Variants in SHTN1 observed in about 807,000 individuals in gnomAD.
The protein encoded by SHTN1 is shootin 1, also known as shootin-1.
Under a neutral mutation model 83.1 loss-of-function variants are expected in SHTN1, and 42 were observed. That is an observed-to-expected ratio of 0.51 (90% confidence interval 0.39 to 0.65). The LOEUF (loss-of-function observed/expected upper bound fraction) is 0.65, where lower values mean the gene tolerates loss of function less well. SHTN1 is among the 30% of genes least tolerant of loss of function. The pLI is 0.00. For synonymous variants in SHTN1, 224 were observed against 247.7 expected, an observed-to-expected ratio of 0.90 and a Z score of 0.90; for missense variants, 622 against 737.8, an observed-to-expected ratio of 0.84 and a Z score of 1.82.
At chr10:116,910,317 T>TA (rs1848139354) in intron 14 of SHTN1, among the ~76,000 whole-genome samples, 1 of 152,198 alleles carries the variant, frequency 6.6e-6, no homozygotes, top group Non-Finnish European at 1.5e-5. Context: ...TAATGCCAGG[T>TA]AAGGCAGTGA....
chr10:116,981,097 T>C (rs1378486619), intron 1 of SHTN1, among the ~76,000 whole-genome samples: 2 of 152,082 alleles, frequency 1.3e-5, no homozygotes, highest in Admixed American at 6.5e-5. Context: ...GGTGGGCAGA[T>C]CACTTGAGGT....
At chr10:117,048,566 A>T in intron 1 of SHTN1, 8 of 640,928 alleles carry the variant, frequency 1.2e-5, no homozygotes, top group Non-Finnish European at 1.6e-5. Context: ...TTACAGTGCA[A>T]TTAAGCATAC....
At chr10:117,090,793 G>T (rs1216750690) in intron 1 of SHTN1, among the ~76,000 whole-genome samples, 1 of 139,400 alleles carries the variant, frequency 7.2e-6, no homozygotes, top group Non-Finnish European at 1.5e-5. Context: ...AAGGAAGGAA[G>T]GAAGGAAGGA....
At chr10:117,005,531 C>G, upstream of SHTN1, 1 of 1,000,968 alleles carries the variant, frequency 1.0e-6, no homozygotes, top group Non-Finnish European at 1.2e-6. Context: ...TTGGACGCTT[C>G]CCGGGGGTCG....
intron 15 of SHTN1, among the ~76,000 whole-genome samples, chr10:116,904,438 T>C (rs1390894030): frequency 7.3e-6 from 1 of 137,308 alleles, no homozygotes; most frequent in Non-Finnish European, 1.6e-5. Context: ...GTTTCCTTCC[T>C]TTTTTTTTTT....
At chr10:116,975,643 C>G (rs187492411) in intron 2 of SHTN1, among the ~76,000 whole-genome samples, 185 of 150,184 alleles carry the variant, frequency 1.2e-3, no homozygotes, top group African/African-American at 3.8e-3. Flanking sequence ...CTCAAAGTCA[C>G]TGATAAAAAA....
At position 117,064,026 on chromosome 10, in the gene SHTN1, A is replaced by G. The variant is rs182191443; in HGVS notation, c.-188-15516T>C. On this transcript the variant is annotated intron_variant, in intron 1 of 17. Coordinates refer to the SHTN1 transcript ENST00000392901. ...AAAGGATGGTCCTTTAAACTGAATA[A>G]CTTTATGAAAACTTCTCTCTGGTGT... Among the ~76,000 whole-genome samples the G allele has an allele frequency of 7.2e-5, 11 of 152,320 alleles. No homozygotes were observed. The East Asian group carries it at 1.2e-3, about 16-fold the overall frequency.
At chr10:116,979,799 G>A (rs1215435144) in intron 1 of SHTN1, among the ~76,000 whole-genome samples, 1 of 152,228 alleles carries the variant, frequency 6.6e-6, no homozygotes, top group Non-Finnish European at 1.5e-5. Flanking sequence ...CTGTGGTATT[G>A]TAATCAGAGA....
intron 2 of SHTN1, among the ~76,000 whole-genome samples, chr10:116,972,300 A>G (rs142276547): frequency 1.3e-5 from 2 of 152,260 alleles, no homozygotes; most frequent in African/African-American, 4.8e-5. Context: ...CAACCACATT[A>G]TGCTAGAACT....
At chr10:116,899,286 A>G (rs931997780) in intron 16 of SHTN1, among the ~76,000 whole-genome samples, 7 of 152,236 alleles carry the variant, frequency 4.6e-5, no homozygotes, top group Non-Finnish European at 8.8e-5. Context: ...ATAAGGGGGA[A>G]TCAGAGCTTA....
At chr10:116,908,343 T>C (rs1459585336) in intron 14 of SHTN1, among the ~76,000 whole-genome samples, 1 of 152,198 alleles carries the variant, frequency 6.6e-6, no homozygotes, top group Non-Finnish European at 1.5e-5. Context: ...TAATGGCTTA[T>C]TTTATCATTA....
intron 5 of SHTN1, among the ~76,000 whole-genome samples, chr10:116,953,623 G>GT (rs759706275): frequency 0.045 from 4,136 of 92,658 alleles, 231 homozygotes; most frequent in Middle Eastern, 0.07. Flanking sequence ...TTTGTGTTTT[G>GT]TTTTTTTTTT....
intron 1 of SHTN1, among the ~76,000 whole-genome samples, chr10:117,068,999 G>C (rs1289330734): frequency 2.0e-5 from 3 of 152,066 alleles, no homozygotes; most frequent in African/African-American, 7.2e-5. Flanking sequence ...CAAGAAAAGG[G>C]AAGAAAAAGG....
intron 1 of SHTN1, among the ~76,000 whole-genome samples, chr10:117,094,347 T>C (rs1388048439): frequency 6.6e-6 from 1 of 152,148 alleles, no homozygotes; most frequent in Non-Finnish European, 1.5e-5. Context: ...AGATCTTACC[T>C]TGCAAAAAAA....
chr10:117,009,613 C>T (rs1050469507), upstream of SHTN1, among the ~76,000 whole-genome samples: 1 of 151,934 alleles, frequency 6.6e-6, no homozygotes, highest in South Asian at 2.1e-4. Context: ...TTACTATAAA[C>T]ATATATACAA....
chr10:116,921,309 C>G, intron 12 of SHTN1, 125 bp downstream of exon 12: 1 of 640,130 alleles, frequency 1.6e-6, no homozygotes, highest in South Asian at 2.0e-5. Flanking sequence ...TTCATTCTTA[C>G]AGCTGTTCAG....
intron 15 of SHTN1, 72 bp from the exon 16 acceptor site, chr10:116,902,029 A>G: frequency 7.5e-7 from 1 of 1,332,220 alleles, no homozygotes; most frequent in Non-Finnish European, 1.0e-6. Flanking sequence ...TGAAAAACAG[A>G]TTAGCTGAAA....
chr10:116,940,726 T>G, intron 8 of SHTN1, 114 bp from the exon 9 acceptor site: 1 of 757,520 alleles, frequency 1.3e-6, no homozygotes, highest in South Asian at 2.7e-5. Context: ...TAAAGGCAAA[T>G]TCTGACTTCT....
chr10:116,927,668 T>G (rs1848795246), intron 11 of SHTN1, 124 bp downstream of exon 11: 2 of 1,331,130 alleles, frequency 1.5e-6, no homozygotes, highest in Admixed American at 5.4e-5. Context: ...ATCACTGGCC[T>G]TTAGAAAAAT....
Sources: allele counts gnomAD v4.1 joint callset (sites outside exome capture counted in the v4.1 genomes callset), GRCh38; gene constraint gnomAD v4.1.1; transcripts MANE v1.5; gene names NCBI Gene and HGNC (gene_info 2026-07-23, HGNC 2026-07-21).